The following PCDH10 variants were observed in gnomAD, a reference collection of about 807,000 sequenced individuals.
PCDH10 encodes the protein protocadherin 10.
Under a neutral mutation model 74.4 loss-of-function variants are expected in PCDH10, and 15 were observed. That is an observed-to-expected ratio of 0.20 (90% CI 0.13 to 0.31). The LOEUF (loss-of-function observed/expected upper bound fraction) is 0.31, where lower values mean the gene tolerates loss of function less well. Ranked by LOEUF, PCDH10 falls within the 10% of genes least tolerant of loss-of-function variation. The pLI, the probability that PCDH10 is intolerant of heterozygous loss-of-function variation, is 1.00. For missense variants in PCDH10, 1,260 were observed against 1,390.2 expected (o/e 0.91, Z 1.49); for synonymous variants, 619 against 589.8 (o/e 1.05, Z -0.72).
At chr4:133,187,977 A>G (rs898911354) in intron 4 of PCDH10, among the ~76,000 whole-genome samples, 2 of 152,076 alleles carry the variant, frequency 1.3e-5, no homozygotes, top group Non-Finnish European at 2.9e-5. Flanking sequence ...TTTTCAGTAT[A>G]TTAGTTTTTT....
chr4:133,154,273 T>G (rs754368329), intron 1 of PCDH10, 34 bp from the exon 2 acceptor site: 1 of 1,479,392 alleles, frequency 6.8e-7, no homozygotes, highest in Non-Finnish European at 9.4e-7. Flanking sequence ...CCCATAGCAT[T>G]CAAATGCTCT....
At chr4:133,170,126 A>C (rs1727172996) in intron 4 of PCDH10, among the ~76,000 whole-genome samples, 1 of 152,066 alleles carries the variant, frequency 6.6e-6, no homozygotes, top group Non-Finnish European at 1.5e-5. Context: ...AAACGTAATT[A>C]CATACCAAAA....
In PCDH10 at chr4:133,181,291, T is replaced by A. The variant is rs983806035; in HGVS notation, c.3104-8850T>A. On this transcript the variant is annotated intron_variant, in intron 4 of 4. Coordinates refer to ENST00000264360, the MANE Select transcript of PCDH10 (RefSeq NM_032961.3). ...ATTTATATTCTAGATAACTTAGTTT[T>A]TTTTATCTTTCTGAACTCTCATGCC... Among the ~76,000 whole-genome samples, 88 of 152,074 alleles carry A rather than the reference T, an allele frequency of 5.8e-4. 1 individual carries two copies. Among genetic ancestry groups the A allele is most frequent in the Admixed American group, 5.8e-3 (88 of 15,248 alleles).
chr4:133,187,509 A>G (rs1010912756), intron 4 of PCDH10, among the ~76,000 whole-genome samples: 15 of 152,166 alleles, frequency 9.9e-5, no homozygotes, highest in African/African-American at 3.6e-4. Context: ...TCCTTCCTCA[A>G]TCTAATTAAT....
In PCDH10 at chr4:133,152,228, A is replaced by C; in HGVS notation, c.2088A>C (p.Ser696=). Residue 696 remains serine (S), a synonymous_variant, in exon 1 of 5, where the codon TCA becomes TCC. Coordinates refer to ENST00000264360, the MANE Select transcript of PCDH10 (RefSeq NM_032961.3). ...GGGGCGGGAGCGGAGGCGGAGGGTC[A>C]GGAGAGCACCAGCGCCCCAGTCGCT... is the stretch of plus-strand genomic sequence containing the variant. The part of the protein sequence containing the change: ...QGGGGSGGGG[S]GEHQRPSRSG... The C allele has an allele frequency of 6.2e-7, 1 of 1,605,012 alleles. No homozygotes were observed. The highest frequency in any genetic ancestry group is 8.5e-7 in the Non-Finnish European group (1 of 1,175,456).
chr4:133,198,418 A>G (rs540848786), downstream of PCDH10, among the ~76,000 whole-genome samples: 7 of 152,324 alleles, frequency 4.6e-5, no homozygotes, highest in South Asian at 1.4e-3. Context: ...TAACCTGACA[A>G]AGAATGAAAT....
In PCDH10 at chr4:133,190,626, T is replaced by C. The variant is rs1321916328; in HGVS notation, c.*466T>C. 1.9e-5 allele frequency: 3 copies of C among 154,404 alleles called. No homozygotes were observed. The highest frequency in any genetic ancestry group is 4.3e-5 in the Non-Finnish European group (3 of 69,322). The allele number at this position is 154,404 out of a possible 1,614,324, so 9.6% of individuals were successfully genotyped here. A position where few individuals can be genotyped will look rare whatever the true frequency, so the allele number is the denominator to read the frequency against. On this transcript the variant is annotated 3_prime_UTR_variant, in exon 5 of 5. Coordinates refer to ENST00000264360, the MANE Select transcript of PCDH10 (RefSeq NM_032961.3). Reference sequence around the variant, plus strand: ...TACAAGAGAAATTGTGATTATGTTCTTTTCACCTGTGGGTTATAAAAAATG... The same window carrying C: ...TACAAGAGAAATTGTGATTATGTTCCTTTCACCTGTGGGTTATAAAAAATG...
At chr4:133,200,626 G>T (rs188138478) in intron 2 of PCDH10, among the ~76,000 whole-genome samples, 235 of 152,178 alleles carry the variant, frequency 1.5e-3, no homozygotes, top group African/African-American at 5.4e-3. Context: ...GGGTCCCACA[G>T]GATAATAGAA....
At chr4:133,154,272 T>C (rs764443433) in intron 1 of PCDH10, 35 bp from the exon 2 acceptor site, 1 of 1,471,232 alleles carries the variant, frequency 6.8e-7, no homozygotes, top group Non-Finnish European at 9.5e-7. Context: ...ACCCATAGCA[T>C]TCAAATGCTC....
chr4:133,186,592 A>C (rs1727545425), intron 4 of PCDH10, among the ~76,000 whole-genome samples: 1 of 152,206 alleles, frequency 6.6e-6, no homozygotes, highest in African/African-American at 2.4e-5. Flanking sequence ...GTTACTTAAC[A>C]CTGGAATAAT....
chr4:133,150,222 C>G lies in PCDH10; in HGVS notation c.82C>G (p.Gln28Glu), dbSNP rs777800344. The change falls in exon 1 of 5, where the codon CAG becomes GAG. Residue 28 changes from glutamine to glutamate, a missense_variant. Transcript: ENST00000264360. ...GCTTCACTACACGGTACAGGAGGAG[C>G]AGGAACATGGCACTTTCGTGGGGAA... is the stretch of plus-strand genomic sequence containing the variant. ...SQLHYTVQEE[Q>E]EHGTFVGNIA... The G allele has an allele frequency of 3.7e-6, 6 of 1,613,460 alleles. No individual in the cohort carries two copies. In the African/African-American group the frequency reaches 5.3e-5, roughly 14 times the overall value.
chr4:133,202,769 G>C (rs1727928670), intron 2 of PCDH10, among the ~76,000 whole-genome samples: 2 of 152,102 alleles, frequency 1.3e-5, no homozygotes, highest in African/African-American at 4.8e-5. Flanking sequence ...CTGACTAATG[G>C]ATGAAAAGCA....
At position 133,186,639 on chromosome 4, in the gene PCDH10, A is replaced by AT. The variant is rs973389487; in HGVS notation, c.3104-3494dup. Reference sequence around the variant, plus strand: ...TGGCTCTAAAATGTCATCAATTAATATTTTTTTTGTGGGGAGGGTCAGATA... The same window carrying AT: ...TGGCTCTAAAATGTCATCAATTAATATTTTTTTTTGTGGGGAGGGTCAGATA... On this transcript the variant is annotated intron_variant, in intron 4 of 4. Transcript: ENST00000264360. Among the ~76,000 whole-genome samples the AT allele has an allele frequency of 5.9e-5, 9 of 151,960 alleles. No individual in the cohort carries two copies. The East Asian group carries it at 7.8e-4, about 13-fold the overall frequency.
At chr4:133,159,060 G>C (rs556879428) in intron 3 of PCDH10, among the ~76,000 whole-genome samples, 1 of 151,740 alleles carries the variant, frequency 6.6e-6, no homozygotes, top group African/African-American at 2.4e-5. Flanking sequence ...ATTTTAAGTC[G>C]TTAAAAGAGG....
downstream of PCDH10, among the ~76,000 whole-genome samples, chr4:133,199,325 TA>T (rs1727857194): frequency 1.5e-5 from 2 of 137,158 alleles, no homozygotes; most frequent in African/African-American, 5.4e-5. Context: ...ATAATAATAA[TA>T]ATTAATTAAA....
Position 133,189,992 on chromosome 4 carries a change from A to G in PCDH10, c.3104-149A>G, listed in dbSNP as rs181217373. Reference sequence around the variant, plus strand: ...ACCAAACAACAGAATGGCTGTGACTACTAGCAGTGAAAAAGTTTGACACTA... The same window carrying G: ...ACCAAACAACAGAATGGCTGTGACTGCTAGCAGTGAAAAAGTTTGACACTA... On this transcript the variant is annotated intron_variant, in intron 4 of 4. Coordinates refer to ENST00000264360, the MANE Select transcript of PCDH10 (RefSeq NM_032961.3). 7.9e-5 allele frequency: 53 copies of G among 668,106 alleles called. No individual in the cohort carries two copies. The East Asian group carries it at 1.1e-3, about 14-fold the overall frequency. The allele number at this position is 668,106 out of a possible 1,614,324, so 41.4% of individuals were successfully genotyped here.
intron 2 of PCDH10, among the ~76,000 whole-genome samples, chr4:133,202,979 T>C (rs1306269244): frequency 3.3e-5 from 5 of 152,128 alleles, no homozygotes; most frequent in African/African-American, 4.8e-5. Context: ...GAGGATCAAG[T>C]TCGGTGCCAG....
chr4:133,180,829 C>T (rs544940212), intron 4 of PCDH10, among the ~76,000 whole-genome samples: 1 of 151,860 alleles, frequency 6.6e-6, no homozygotes, highest in South Asian at 2.1e-4. Context: ...ATTTAAGGAT[C>T]TAAATCTTGG....
chr4:133,204,900 C>A (rs1235685800), intron 2 of PCDH10, among the ~76,000 whole-genome samples: 2 of 152,158 alleles, frequency 1.3e-5, no homozygotes, highest in African/African-American at 4.8e-5. Context: ...CTGCACAGGA[C>A]CACTTGGAGT....
Sources: allele counts gnomAD v4.1 joint callset (sites outside exome capture counted in the v4.1 genomes callset), GRCh38; gene constraint gnomAD v4.1.1; transcripts MANE v1.5; gene names NCBI Gene and HGNC (gene_info 2026-07-23, HGNC 2026-07-21).